Variants in CDH4 observed in about 807,000 individuals in gnomAD.
CDH4 encodes the protein cadherin 4.
A neutral mutation model predicts 86.0 loss-of-function variants in CDH4; 33 were observed. The ratio of observed to expected loss-of-function variants is 0.38; its 90% CI spans 0.29 to 0.51. The LOEUF is 0.51. CDH4 is among the 20% of genes least tolerant of loss of function. The probability of loss-of-function intolerance (pLI) is 0.86; values close to 1 mark genes in which losing one functional copy is unlikely to be tolerated. For synonymous variants in CDH4, 555 were observed against 549.4 expected (o/e 1.01, Z -0.14); for missense variants, 1,114 against 1,307.4 (o/e 0.85, Z 2.28).
chr20:61,896,348 C>T (rs901853844), intron 8 of CDH4, among the ~76,000 whole-genome samples: 1 of 152,216 alleles, frequency 6.6e-6, no homozygotes, highest in African/African-American at 2.4e-5. Context: ...GGCCAGAGCC[C>T]CTCGCCACAG....
At chr20:61,361,107 C>A (rs991077712) in intron 2 of CDH4, among the ~76,000 whole-genome samples, 1 of 152,072 alleles carries the variant, frequency 6.6e-6, no homozygotes. Context: ...GGGAAGGGAG[C>A]GACGTGGAGA....
chr20:61,566,975 CG>C (rs1313800341), intron 2 of CDH4, among the ~76,000 whole-genome samples: 1 of 152,078 alleles, frequency 6.6e-6, no homozygotes, highest in African/African-American at 2.4e-5. Flanking sequence ...TTGCCTGCCT[CG>C]GGGGAGCTGA....
intron 4 of CDH4, among the ~76,000 whole-genome samples, chr20:61,800,508 GC>G (rs1032088364): frequency 5.6e-4 from 86 of 152,252 alleles, no homozygotes; most frequent in Middle Eastern, 3.4e-3. Flanking sequence ...TCTCCTCATC[GC>G]CCCCCACAGA....
In CDH4 at chr20:61,910,434, G is replaced by T. The variant is rs957997062; in HGVS notation, c.1201G>T (p.Val401Phe). 3 of 1,613,126 alleles carry T rather than the reference G, an allele frequency of 1.9e-6. No homozygotes were observed. In the South Asian group the frequency reaches 3.3e-5, roughly 18 times the overall value. The change falls in exon 9 of 16, where the codon GTC becomes TTC. Residue 401 changes from valine to phenylalanine, a missense_variant. This residue lies in a region of CDH4 where 705 missense variants were observed against 914.1 expected (regional missense o/e 0.77). Coordinates refer to ENST00000614565, the MANE Select transcript of CDH4 (RefSeq NM_001794.5). Reference sequence around the variant, plus strand: ...TTCCATTTTGCAGTTTGCAGGGGAGGTCCCCGAAAACCGCGTGGAGACCGT... The same window carrying T: ...TTCCATTTTGCAGTTTGCAGGGGAGTTCCCCGAAAACCGCGTGGAGACCGT... ...EFTASTFAGE[V>F]PENRVETVVA...
intron 2 of CDH4, among the ~76,000 whole-genome samples, chr20:61,331,667 G>GA (rs1489953359): frequency 8.7e-5 from 12 of 138,104 alleles, no homozygotes; most frequent in Middle Eastern, 3.8e-3. Context: ...ACCTGCCCCA[G>GA]GCTCACCTCC....
chr20:61,476,045 G>A (rs1207308179), intron 2 of CDH4, among the ~76,000 whole-genome samples: 2 of 152,174 alleles, frequency 1.3e-5, no homozygotes, highest in Admixed American at 6.5e-5. Context: ...AGTCCTATTG[G>A]ACGCACAGGA....
intron 2 of CDH4, among the ~76,000 whole-genome samples, chr20:61,524,914 G>A (rs1365826842): frequency 1.3e-5 from 2 of 152,108 alleles, no homozygotes; most frequent in Admixed American, 6.5e-5. Context: ...CTCATACACA[G>A]AAGTGACCAC....
intron 2 of CDH4, among the ~76,000 whole-genome samples, chr20:61,320,960 G>C (rs954586306): frequency 6.6e-6 from 1 of 152,094 alleles, no homozygotes; most frequent in African/African-American, 2.4e-5. Flanking sequence ...TGCCCCTGCT[G>C]TGGGGAAGTG....
rs901696979 is a variant in CDH4, at chr20:61,754,685, CCA to C, written c.396+10905_396+10906del. Among the ~76,000 whole-genome samples the C allele has an allele frequency of 4.7e-5, 7 of 150,022 alleles. No individual in the cohort carries two copies. Among genetic ancestry groups the C allele is most frequent in the Non-Finnish European group, 7.4e-5 (5 of 67,360 alleles). On this transcript the variant is annotated intron_variant, in intron 3 of 15. Transcript: ENST00000614565. This position sits in a 1 kb window ranked among gnomAD's most constrained non-coding sequence, Gnocchi z 4.7. ...ACACGCCCCGCACACACTATGCACA[CCA>C]CACACACAGTGCATGCCACACACAC... is the stretch of plus-strand genomic sequence containing the variant.
chr20:61,471,623 A>G (rs2085503992), intron 2 of CDH4, among the ~76,000 whole-genome samples: 1 of 150,030 alleles, frequency 6.7e-6, no homozygotes, highest in African/African-American at 2.4e-5. Context: ...AAGTTTTTCT[A>G]CTTTGTTGAT....
chr20:61,568,359 C>G (rs935554042), intron 2 of CDH4, among the ~76,000 whole-genome samples: 1 of 152,154 alleles, frequency 6.6e-6, no homozygotes, highest in African/African-American at 2.4e-5. Flanking sequence ...CCCTTCGTTC[C>G]ACACTCATTC....
chr20:61,268,951 G>A (rs1385937542), intron 2 of CDH4, among the ~76,000 whole-genome samples: 1 of 152,132 alleles, frequency 6.6e-6, no homozygotes, highest in East Asian at 1.9e-4. Flanking sequence ...ATTTGTGGGT[G>A]GGGACAGCCG....
intron 2 of CDH4, among the ~76,000 whole-genome samples, chr20:61,639,270 A>G (rs1056193172): frequency 1.6e-4 from 24 of 152,092 alleles, no homozygotes; most frequent in Admixed American, 1.6e-3. Context: ...TTACATACCC[A>G]CCATTCATAC....
intron 2 of CDH4, among the ~76,000 whole-genome samples, chr20:61,360,238 G>A (rs967189853): frequency 2.0e-4 from 30 of 152,176 alleles, no homozygotes; most frequent in African/African-American, 7.0e-4. Context: ...GAAGCTGTCA[G>A]ACAATGAAAA....
At chr20:61,901,526 G>C (rs867720381) in intron 8 of CDH4, among the ~76,000 whole-genome samples, 8 of 152,274 alleles carry the variant, frequency 5.3e-5, no homozygotes, top group Middle Eastern at 3.2e-3. Flanking sequence ...ACCCCAGCCA[G>C]ACAGGAGCCG....
intron 7 of CDH4, among the ~76,000 whole-genome samples, chr20:61,884,645 AC>A (rs1984455178): frequency 6.6e-6 from 1 of 151,842 alleles, no homozygotes; most frequent in Non-Finnish European, 1.5e-5. Context: ...AGCCCTCCGC[AC>A]CCCCGGACCT....
intron 2 of CDH4, among the ~76,000 whole-genome samples, chr20:61,671,679 ATGGATGGG>A (rs1019811183): frequency 2.1e-4 from 31 of 149,466 alleles, no homozygotes; most frequent in African/African-American, 7.4e-4. Flanking sequence ...TGGATGGTGG[ATGGATGGG>A]TGGGTGGGTG....
chr20:61,668,755 G>T, intron 2 of CDH4, among the ~76,000 whole-genome samples: 1 of 152,242 alleles, frequency 6.6e-6, no homozygotes, highest in Non-Finnish European at 1.5e-5. Flanking sequence ...CCAGGGGGAT[G>T]CTGGTTCCAG....
At chr20:61,273,093 G>A in intron 2 of CDH4, among the ~76,000 whole-genome samples, 1 of 119,008 alleles carries the variant, frequency 8.4e-6, no homozygotes, top group African/African-American at 3.4e-5. Context: ...AGTATTGGGG[G>A]AGTACCACGT....
Sources: gnomAD v4.1 joint callset for allele counts (sites outside exome capture counted in the v4.1 genomes callset) on GRCh38, gnomAD v4.1.1 for gene constraint, gnomAD v4.1.1 regional missense constraint, Gnocchi (gnomAD v3.1) non-coding constraint, MANE v1.5 for transcripts, NCBI Gene and HGNC (gene_info 2026-07-23, HGNC 2026-07-21) for gene names.